The following RIT2 variants were observed in gnomAD, a reference collection of about 807,000 sequenced individuals.
RIT2 encodes Ras like without CAAX 2.
Under a neutral mutation model 23.7 loss-of-function variants are expected in RIT2, and 24 were observed. The ratio of observed to expected loss-of-function variants is 1.01; its 90% confidence interval spans 0.73 to 1.43. The LOEUF is 1.43. Among genes scored for constraint, RIT2 ranks in the 40% most tolerant of loss-of-function variants. RIT2 has a pLI of 0.00. For synonymous variants in RIT2, 107 were observed against 91.1 expected (o/e 1.17, Z -0.99); for missense variants, 236 against 266.9 (o/e 0.88, Z 0.81).
chr18:42,792,895 C>T (rs1459610241), intron 4 of RIT2, among the ~76,000 whole-genome samples: 3 of 152,106 alleles, frequency 2.0e-5, no homozygotes, highest in African/African-American at 7.2e-5. Context: ...TCCACTCTTT[C>T]TGCCCTCCTG....
At chr18:42,924,441 C>T (rs1909132561) in intron 3 of RIT2, among the ~76,000 whole-genome samples, 1 of 151,646 alleles carries the variant, frequency 6.6e-6, no homozygotes, top group Non-Finnish European at 1.5e-5. Flanking sequence ...ACTCTTTCAT[C>T]TTCTTTCAAC....
chr18:42,890,145 T>G (rs1908131167), intron 4 of RIT2, among the ~76,000 whole-genome samples: 1 of 152,042 alleles, frequency 6.6e-6, no homozygotes, highest in Admixed American at 6.6e-5. Context: ...TTGAGTGGTC[T>G]TGATTTATAA....
chr18:43,113,529 A>T (rs1178096310), intron 1 of RIT2, among the ~76,000 whole-genome samples: 1 of 152,206 alleles, frequency 6.6e-6, no homozygotes, highest in African/African-American at 2.4e-5. Context: ...TGTCACATTG[A>T]AAATCCATAG....
chr18:42,778,197 C>T (rs190844032), intron 4 of RIT2, among the ~76,000 whole-genome samples: 18 of 152,268 alleles, frequency 1.2e-4, no homozygotes, highest in Admixed American at 2.0e-4. Flanking sequence ...GTCTGGACTG[C>T]TCCCTTCTGC....
In RIT2 at chr18:43,029,075, A is replaced by G. The variant is rs573023063; in HGVS notation, c.160+4736T>C. 2.6e-5 allele frequency among the ~76,000 whole-genome samples: 4 copies of G among 152,174 alleles called. No homozygotes were observed. In the South Asian group the frequency reaches 8.3e-4, roughly 32 times the overall value. On this transcript the variant is annotated intron_variant, in intron 2 of 4. Coordinates refer to ENST00000326695, the MANE Select transcript of RIT2 (RefSeq NM_002930.4). ...ATTGTTGATGTACTTTGCTGCTTAT[A>G]TAAAGTCCTTGTTTTTTAAGCTTCC...
At position 42,896,100 on chromosome 18, in the gene RIT2, C is replaced by T. The variant is rs185178452; in HGVS notation, c.426+27472G>A. Among the ~76,000 whole-genome samples the T allele has an allele frequency of 5.7e-3, 869 of 152,214 alleles. 3 individuals are homozygous for T. Among genetic ancestry groups the T allele is most frequent in the Non-Finnish European group, 9.3e-3 (633 of 68,004 alleles). On this transcript the variant is annotated intron_variant, in intron 4 of 4. Transcript: ENST00000326695. ...TTAACATGGTGAAACCCCAGCTCTA[C>T]TAAAAATACAAAAATTAGCTAGGCG...
intron 1 of RIT2, among the ~76,000 whole-genome samples, chr18:43,072,142 C>T (rs752302659): frequency 2.0e-5 from 3 of 151,984 alleles, no homozygotes; most frequent in African/African-American, 4.8e-5. Context: ...AGTGCCACCA[C>T]GGCCAGCTGA....
chr18:42,909,151 A>G (rs542598460), intron 4 of RIT2, among the ~76,000 whole-genome samples: 2 of 152,276 alleles, frequency 1.3e-5, no homozygotes, highest in South Asian at 4.1e-4. Context: ...ATAAAAAGGA[A>G]TGAAATAATG....
intron 4 of RIT2, among the ~76,000 whole-genome samples, chr18:42,770,778 C>A (rs1339517331): frequency 6.8e-6 from 1 of 147,318 alleles, no homozygotes; most frequent in African/African-American, 2.5e-5. Context: ...AATCTTTTCA[C>A]TGACACTCAA....
chr18:42,796,627 C>A (rs1010849413), intron 4 of RIT2, among the ~76,000 whole-genome samples: 4 of 152,222 alleles, frequency 2.6e-5, no homozygotes, highest in African/African-American at 7.2e-5. Context: ...CCATCCACTA[C>A]CCTCCACTGC....
intron 3 of RIT2, among the ~76,000 whole-genome samples, chr18:42,966,536 A>C (rs1446530510): frequency 2.0e-5 from 3 of 152,190 alleles, no homozygotes; most frequent in African/African-American, 4.8e-5. Context: ...TATCATACTG[A>C]TGAGCAATTA....
intron 4 of RIT2, among the ~76,000 whole-genome samples, chr18:42,846,479 C>T (rs898331272): frequency 4.0e-5 from 6 of 151,826 alleles, no homozygotes; most frequent in Non-Finnish European, 8.8e-5. Flanking sequence ...TAAAATTTAA[C>T]AAGAGAGTTA....
chr18:42,906,477 G>A (rs1218900414), intron 4 of RIT2, among the ~76,000 whole-genome samples: 1 of 151,420 alleles, frequency 6.6e-6, no homozygotes, highest in East Asian at 1.9e-4. Context: ...TTTTTTCCTT[G>A]ATCCCTTCTA....
intron 2 of RIT2, among the ~76,000 whole-genome samples, chr18:43,008,114 T>C (rs1945963685): frequency 6.6e-6 from 1 of 151,640 alleles, no homozygotes; most frequent in African/African-American, 2.4e-5. Flanking sequence ...TAGCTCCAAC[T>C]AGAAATTTGT....
chr18:42,835,970 T>C (rs896040648), intron 4 of RIT2, among the ~76,000 whole-genome samples: 3 of 152,170 alleles, frequency 2.0e-5, no homozygotes, highest in African/African-American at 7.2e-5. Flanking sequence ...TGGGCTTCAG[T>C]TTTCTACTTT....
chr18:42,810,273 T>C (rs1330391852), intron 4 of RIT2, among the ~76,000 whole-genome samples: 4 of 151,554 alleles, frequency 2.6e-5, no homozygotes, highest in Non-Finnish European at 5.9e-5. Flanking sequence ...CTGTCAAAAC[T>C]AATAACCCAC....
intron 4 of RIT2, among the ~76,000 whole-genome samples, chr18:42,781,885 CTT>C (rs1913818562): frequency 6.6e-6 from 1 of 152,170 alleles, no homozygotes; most frequent in African/African-American, 2.4e-5. Context: ...TGCCATTTGA[CTT>C]TTGCTCTTGG....
intron 2 of RIT2, among the ~76,000 whole-genome samples, chr18:42,991,280 C>T (rs1220048787): frequency 6.6e-6 from 1 of 152,110 alleles, no homozygotes; most frequent in Non-Finnish European, 1.5e-5. Context: ...GATACTGGTG[C>T]CATGTGTATT....
At chr18:43,083,636 G>A (rs1913211241) in intron 1 of RIT2, among the ~76,000 whole-genome samples, 1 of 152,070 alleles carries the variant, frequency 6.6e-6, no homozygotes, top group Non-Finnish European at 1.5e-5. Context: ...AATGGGGAAT[G>A]GATTTCCTAT....
Sources: allele counts gnomAD v4.1 joint callset (sites outside exome capture counted in the v4.1 genomes callset), GRCh38; gene constraint gnomAD v4.1.1; transcripts MANE v1.5; gene names NCBI Gene and HGNC (gene_info 2026-07-23, HGNC 2026-07-21).